The following UBE2E2 variants were observed in gnomAD, a reference collection of about 807,000 sequenced individuals.
UBE2E2 encodes ubiquitin-conjugating enzyme E2 E2.
UBE2E2 carries 6 observed loss-of-function variants against 24.7 expected under a neutral mutation model. The ratio of observed to expected loss-of-function variants is 0.24; its 90% CI spans 0.13 to 0.48. The LOEUF is 0.48. UBE2E2 is among the 20% of genes least tolerant of loss of function. UBE2E2 has a pLI of 0.99. For synonymous variants in UBE2E2, 104 were observed against 83.6 expected (o/e 1.24, Z -1.33); for missense variants, 169 against 245.0 (o/e 0.69, Z 2.07).
chr3:23,417,469 G>T (rs904637563), intron 3 of UBE2E2, among the ~76,000 whole-genome samples: 8 of 152,174 alleles, frequency 5.3e-5, no homozygotes, highest in Non-Finnish European at 8.8e-5. Flanking sequence ...GAGCTCTTCT[G>T]TATGAGGTGT....
At chr3:23,304,759 G>A (rs1699195116) in intron 3 of UBE2E2, among the ~76,000 whole-genome samples, 1 of 152,164 alleles carries the variant, frequency 6.6e-6, no homozygotes, top group Non-Finnish European at 1.5e-5. Context: ...AATCATATCA[G>A]TGAACTTTTC....
At chr3:23,329,478 C>T (rs1695003382) in intron 3 of UBE2E2, among the ~76,000 whole-genome samples, 1 of 152,226 alleles carries the variant, frequency 6.6e-6, no homozygotes, top group East Asian at 1.9e-4. Context: ...GGCAAAAGGG[C>T]AGATTCTCTG....
At chr3:23,402,683 G>C (rs1697256792) in intron 3 of UBE2E2, among the ~76,000 whole-genome samples, 1 of 151,990 alleles carries the variant, frequency 6.6e-6, no homozygotes, top group African/African-American at 2.4e-5. Context: ...ATGTCATCAG[G>C]GTTACAATAC....
intron 3 of UBE2E2, among the ~76,000 whole-genome samples, chr3:23,268,642 G>C (rs1051944821): frequency 1.1e-4 from 17 of 148,516 alleles, no homozygotes; most frequent in Middle Eastern, 6.9e-3. Flanking sequence ...GTAATTTATA[G>C]ATTCAATGCC....
At chr3:23,410,273 T>G (rs1697466196) in intron 3 of UBE2E2, among the ~76,000 whole-genome samples, 1 of 152,174 alleles carries the variant, frequency 6.6e-6, no homozygotes, top group Non-Finnish European at 1.5e-5. Context: ...TGTAGAATAT[T>G]TTATTTGCTT....
At chr3:23,230,558 G>A (rs577720274) in intron 3 of UBE2E2, among the ~76,000 whole-genome samples, 4 of 152,264 alleles carry the variant, frequency 2.6e-5, no homozygotes, top group Admixed American at 2.6e-4. Flanking sequence ...GCCGAGGCGG[G>A]TGGATCATTT....
intron 5 of UBE2E2, among the ~76,000 whole-genome samples, chr3:23,549,051 G>T (rs1194411967): frequency 1.3e-5 from 2 of 152,114 alleles, no homozygotes; most frequent in Admixed American, 6.6e-5. Context: ...TTAATAAATG[G>T]CCTCTTTCCC....
chr3:23,408,059 A>T (rs564870999), intron 3 of UBE2E2, among the ~76,000 whole-genome samples: 5 of 152,296 alleles, frequency 3.3e-5, no homozygotes, highest in Non-Finnish European at 7.4e-5. Context: ...AGAATTTATT[A>T]AAAAATACAC....
At chr3:23,292,468 C>T (rs1281150777) in intron 3 of UBE2E2, among the ~76,000 whole-genome samples, 1 of 152,092 alleles carries the variant, frequency 6.6e-6, no homozygotes, top group Non-Finnish European at 1.5e-5. Context: ...ATTCTTGAAG[C>T]CAGTGACACT....
chr3:23,525,611 G>A (rs1694976651), intron 4 of UBE2E2, among the ~76,000 whole-genome samples: 1 of 152,186 alleles, frequency 6.6e-6, no homozygotes, highest in Admixed American at 6.5e-5. Context: ...CAGTTATTGA[G>A]CTATGCTTCA....
chr3:23,492,299 A>G (rs1390531019), intron 3 of UBE2E2, among the ~76,000 whole-genome samples: 2 of 152,224 alleles, frequency 1.3e-5, no homozygotes, highest in Non-Finnish European at 2.9e-5. Context: ...GGATGAATTC[A>G]GTTACATGGA....
intron 3 of UBE2E2, among the ~76,000 whole-genome samples, chr3:23,485,044 C>T (rs1699332772): frequency 6.6e-6 from 1 of 150,974 alleles, no homozygotes; most frequent in Non-Finnish European, 1.5e-5. Flanking sequence ...TCTTGATTTC[C>T]TGAAGTAATC....
In UBE2E2 at chr3:23,470,452, A is replaced by G. The variant is rs544513579; in HGVS notation, c.228-29156A>G. ...TCTTCCTCCACAAGCACTAACATTT[A>G]GGATTTTGGTTTTTGTTTTTCCTCA... On this transcript the variant is annotated intron_variant, in intron 3 of 5. Coordinates refer to ENST00000396703, the MANE Select transcript of UBE2E2 (RefSeq NM_152653.4). Among the ~76,000 whole-genome samples the G allele has an allele frequency of 2.6e-5, 4 of 152,320 alleles. No homozygotes were observed. The East Asian group carries it at 7.7e-4, about 29-fold the overall frequency.
chr3:23,502,031 A>G (rs1363474030), intron 4 of UBE2E2, among the ~76,000 whole-genome samples: 1 of 152,206 alleles, frequency 6.6e-6, no homozygotes, highest in East Asian at 1.9e-4. Flanking sequence ...TAGAGATCAG[A>G]TTCTGTAGAT....
At chr3:23,525,104 A>T (rs1694963735) in intron 4 of UBE2E2, among the ~76,000 whole-genome samples, 1 of 152,114 alleles carries the variant, frequency 6.6e-6, no homozygotes, top group African/African-American at 2.4e-5. Context: ...TCCTTGGCTC[A>T]TGGCTCCTTC....
Position 23,208,772 on chromosome 3 carries a change from G to T in UBE2E2, c.73G>T (p.Glu25Ter), listed in dbSNP as rs1344642863. 6.2e-7 allele frequency: 1 copy of T among 1,613,734 alleles called. No homozygotes were observed. Among genetic ancestry groups the T allele is most frequent in the Non-Finnish European group, 8.5e-7 (1 of 1,179,834 alleles). Residue 25 changes from glutamate to a stop codon, truncating the protein, a stop_gained, in exon 2 of 6, where the codon GAA becomes TAA. Transcript: ENST00000396703. LOFTEE classifies it high-confidence loss of function. ...SGGSSDGDQR[E>*]SVQQEPEREQ... is the part of the protein sequence containing the mutation. The stretch of plus-strand genomic sequence containing the variant: ...AGGAAGTTCCGATGGAGATCAACGT[G>T]AAAGTGTTCAGCAAGAACCAGAAAG...
intron 3 of UBE2E2, among the ~76,000 whole-genome samples, chr3:23,264,374 A>T (rs1482574671): frequency 1.3e-5 from 2 of 152,014 alleles, no homozygotes; most frequent in Non-Finnish European, 2.9e-5. Context: ...GGAAAAGGAA[A>T]AAAAAAAAAG....
chr3:23,203,675 C>G (rs934354918), intron 1 of UBE2E2, among the ~76,000 whole-genome samples: 8 of 129,590 alleles, frequency 6.2e-5, no homozygotes, highest in Admixed American at 4.6e-4. Context: ...TTCTACCCCT[C>G]CCCCTTCTTC....
intron 2 of UBE2E2, among the ~76,000 whole-genome samples, chr3:23,211,009 C>T (rs1021205879): frequency 3.9e-5 from 6 of 152,112 alleles, no homozygotes; most frequent in African/African-American, 1.4e-4. Flanking sequence ...TGGTTCTTTG[C>T]CATTTCTGCT....
Sources: allele counts gnomAD v4.1 joint callset (sites outside exome capture counted in the v4.1 genomes callset), GRCh38; gene constraint gnomAD v4.1.1; transcripts MANE v1.5; gene names NCBI Gene and HGNC (gene_info 2026-07-23, HGNC 2026-07-21).